RFX1: variants seen among roughly 807,000 people sequenced by gnomAD.
The protein encoded by RFX1 is MHC class II regulatory factor RFX1.
A neutral mutation model predicts 119.6 loss-of-function variants in RFX1; 42 were observed. The ratio of observed to expected loss-of-function variants is 0.35; its 90% confidence interval spans 0.27 to 0.45. The LOEUF is 0.45. RFX1 is among the 20% of genes least tolerant of loss of function. RFX1 has a pLI of 1.00. For missense variants in RFX1, 1,118 were observed against 1,368.1 expected (o/e 0.82, Z 2.88); for synonymous variants, 628 against 618.5 (o/e 1.02, Z -0.23).
At chr19:13,964,063 C>T in intron 16 of RFX1, 56 bp from the exon 17 acceptor site, 1 of 1,495,932 alleles carries the variant, frequency 6.7e-7, no homozygotes, top group Non-Finnish European at 8.9e-7. Context: ...CCCGCCAGCC[C>T]TGGCCCCACC....
rs1324506709 is a variant in RFX1, at chr19:13,973,113, T to C, written c.944A>G (p.Tyr315Cys). The C allele has an allele frequency of 6.4e-7, 1 of 1,569,476 alleles. No individual in the cohort carries two copies. Among genetic ancestry groups the C allele is most frequent in the East Asian group, 2.4e-5 (1 of 42,496 alleles). ...GTACAGCGGCGTCTCGGGATAGGAG[T>C]AGGTGCTGGAACGGCTGGGAAAGAG... ...YTASAIRSST[Y>C]SYPETPLYTQ... Residue 315 changes from tyrosine (Y) to cysteine (C), a missense_variant, in exon 9 of 21, where the codon TAC (tyrosine) becomes TGC (cysteine). Coordinates refer to ENST00000254325, the MANE Select transcript of RFX1 (RefSeq NM_002918.5).
chr19:13,972,735 G>T lies in RFX1; in HGVS notation c.1314+8C>A. On this transcript the variant is annotated splice_region_variant and intron_variant, in intron 9 of 20. Transcript: ENST00000254325. Reference sequence around the variant, plus strand: ...TGCCTCCTCTGGGGCCCGCGTTGGGGCACTTACCGTGGCTGGCGAGGCACG... The same window carrying T: ...TGCCTCCTCTGGGGCCCGCGTTGGGTCACTTACCGTGGCTGGCGAGGCACG... 2 of 1,585,112 alleles carry T rather than the reference G, an allele frequency of 1.3e-6. No homozygotes were observed. Among genetic ancestry groups the T allele is most frequent in the Non-Finnish European group, 1.7e-6 (2 of 1,163,546 alleles).
At position 13,983,488 on chromosome 19, in the gene RFX1, G is replaced by A; in HGVS notation, c.427C>T (p.Gln143Ter). ...QVVQQVQGTQ[Q>*]RLLVQTSVQA... ...CCCCTGGGAGGGCCACATCCTACCT[G>A]CTGGGTGCCCTGCACCTGCTGAACC... Residue 143 changes from glutamine to a stop codon, truncating the protein, a stop_gained and splice_region_variant, in exon 3 of 21, where the codon CAG becomes TAG. Coordinates refer to ENST00000254325, the MANE Select transcript of RFX1 (RefSeq NM_002918.5). LOFTEE classifies it high-confidence loss of function. 6.2e-7 allele frequency: 1 copy of A among 1,603,758 alleles called. No individual in the cohort carries two copies.
At position 13,966,321 on chromosome 19, in the gene RFX1, G is replaced by T; in HGVS notation, c.1961+100C>A. ...CAAGGATATGTGTACCCCACAAACT[G>T]CAGGGGACAAGCAGGTGCCCCAACC... is the stretch of plus-strand genomic sequence containing the variant. On this transcript the variant is annotated intron_variant, in intron 14 of 20. Coordinates refer to ENST00000254325, the MANE Select transcript of RFX1 (RefSeq NM_002918.5). This position sits in a 1 kb window ranked among gnomAD's most constrained non-coding sequence, Gnocchi z 6.3. 2.8e-6 allele frequency: 2 copies of T among 712,006 alleles called. No homozygotes were observed. The highest frequency in any genetic ancestry group is 1.7e-5 in the South Asian group (1 of 60,446). 44.1% of individuals were successfully genotyped at this position (712,006 alleles called of 1,614,324 possible). A position where few individuals can be genotyped will look rare whatever the true frequency, so the allele number is the denominator to read the frequency against.
intron 9 of RFX1, among the ~76,000 whole-genome samples, chr19:13,972,210 T>G (rs1974106063): frequency 6.6e-6 from 1 of 151,456 alleles, no homozygotes; most frequent in African/African-American, 2.4e-5. Context: ...TTTTTTTTTT[T>G]TTTTGAGACA....
intron 2 of RFX1, among the ~76,000 whole-genome samples, chr19:13,984,581 T>C (rs566673731): frequency 6.6e-6 from 1 of 152,110 alleles, no homozygotes; most frequent in Admixed American, 6.5e-5. Context: ...TAGAAGACCC[T>C]CACCCCAGCT....
intron 2 of RFX1, among the ~76,000 whole-genome samples, chr19:13,984,443 G>A (rs961653326): frequency 1.3e-5 from 2 of 152,192 alleles, no homozygotes; most frequent in African/African-American, 2.4e-5. Flanking sequence ...GCAGCGCTGC[G>A]GGGTGAGGAG....
At chr19:13,988,343 G>C (rs757854917) in intron 2 of RFX1, among the ~76,000 whole-genome samples, 4 of 152,166 alleles carry the variant, frequency 2.6e-5, no homozygotes, top group Non-Finnish European at 5.9e-5. Context: ...GAGGGAGTGC[G>C]GGAAGAGCTG....
chr19:13,968,759 G>A lies in RFX1; in HGVS notation c.1616+16C>T, dbSNP rs768955348. 4.2e-5 allele frequency: 68 copies of A among 1,605,346 alleles called. No homozygotes were observed. The highest frequency in any genetic ancestry group is 1.1e-4 in the South Asian group (10 of 90,348). On this transcript the variant is annotated intron_variant, in intron 11 of 20. Coordinates refer to ENST00000254325, the MANE Select transcript of RFX1 (RefSeq NM_002918.5). The surrounding 1 kb of genome is among the most constrained non-coding windows in gnomAD (Gnocchi z 5.5). The stretch of plus-strand genomic sequence containing the variant: ...TCCCCGCCTGCCCTGCCCTGGGTCC[G>A]GCCCTGCCTTCCTACCTCTGCTTCT...
In RFX1 at chr19:13,965,443, T is replaced by A; in HGVS notation, c.2211+6A>T. The A allele has an allele frequency of 6.2e-7, 1 of 1,612,834 alleles. No homozygotes were observed. Among genetic ancestry groups the A allele is most frequent in the East Asian group, 2.2e-5 (1 of 44,866 alleles). The stretch of plus-strand genomic sequence containing the variant: ...ATAGGAGAAAGGGACCCCCTCACAC[T>A]CTCACCTTCACCCGCAGCATCTCCT... On this transcript the variant is annotated splice_donor_region_variant and intron_variant, in intron 16 of 20. Coordinates refer to ENST00000254325, the MANE Select transcript of RFX1 (RefSeq NM_002918.5). The surrounding 1 kb of genome is among the most constrained non-coding windows in gnomAD (Gnocchi z 4.7).
rs537713865 is a variant in RFX1 at position 13,980,140 on chromosome 19, C to T, written c.738+433G>A. ...CTTCAGTGGTAACAACCAGATGGTG[C>T]GCAGCCCCAGCATCTTAACCTGCGC... On this transcript the variant is annotated intron_variant, in intron 6 of 20. Coordinates refer to ENST00000254325, the MANE Select transcript of RFX1 (RefSeq NM_002918.5). The surrounding 1 kb of genome is among the most constrained non-coding windows in gnomAD (Gnocchi z 5.1). 1.3e-5 allele frequency among the ~76,000 whole-genome samples: 2 copies of T among 152,282 alleles called. No homozygotes were observed. The highest frequency in any genetic ancestry group is 2.1e-4 in the South Asian group (1 of 4,832).
chr19:13,994,994 C>T (rs754632945), intron 1 of RFX1, among the ~76,000 whole-genome samples: 9 of 143,082 alleles, frequency 6.3e-5, no homozygotes, highest in Non-Finnish European at 1.4e-4. Context: ...GTCTTGAACT[C>T]CTGGGCTCAA....
rs765030323 is a variant in RFX1, at chr19:13,983,250, G to C, written c.450C>G (p.Ser150Arg). 1.3e-6 allele frequency: 2 copies of C among 1,567,530 alleles called. No individual in the cohort carries two copies. The highest frequency in any genetic ancestry group is 1.8e-5 in the Admixed American group (1 of 54,276). The change falls in exon 4 of 21, where the codon AGC becomes AGG. Residue 150 changes from serine (S) to arginine (R), a missense_variant. Ser to Arg is a moderately radical substitution (Grantham distance 110). This residue lies in a region of RFX1 where 542 missense variants were observed against 602.7 expected (regional missense o/e 0.90). Transcript: ENST00000254325. Reference protein sequence around the residue: ...GTQQRLLVQTSVQAKPGHVSP... With the variant: ...GTQQRLLVQTRVQAKPGHVSP... ...ACACGTGGCCTGGCTTGGCCTGCACGCTCGTCTGGACCAGCAGCCGCTGTG... is the reference window on the plus strand; with the variant it reads ...ACACGTGGCCTGGCTTGGCCTGCACCCTCGTCTGGACCAGCAGCCGCTGTG...
intron 2 of RFX1, among the ~76,000 whole-genome samples, chr19:13,989,511 C>G (rs184044343): frequency 6.6e-6 from 1 of 151,844 alleles, no homozygotes; most frequent in Non-Finnish European, 1.5e-5. Flanking sequence ...GCTGGGATTA[C>G]GGCGCCCACC....
intron 8 of RFX1, among the ~76,000 whole-genome samples, chr19:13,975,107 G>A (rs1974214739): frequency 6.6e-6 from 1 of 150,924 alleles, no homozygotes; most frequent in Admixed American, 6.6e-5. Flanking sequence ...TGTAACCCCA[G>A]CACTCTGGGA....
intron 1 of RFX1, among the ~76,000 whole-genome samples, chr19:13,999,983 T>G (rs1975161295): frequency 6.7e-6 from 1 of 149,718 alleles, no homozygotes; most frequent in South Asian, 2.1e-4. Context: ...GCCTGACCCC[T>G]GTTTTGGATG....
rs771705262 is a variant in RFX1 at position 13,983,590 on chromosome 19, C to T, written c.325G>A (p.Ala109Thr). ...QYIVVTVSEG[A>T]MRASETVSEA... The stretch of plus-strand genomic sequence containing the variant: ...GACACTGTCTCGCTGGCCCGCATGG[C>T]ACCTTCTGTGGGGAGGGGCCACCAG... The change falls in exon 3 of 21, where the codon GCC becomes ACC. Residue 109 changes from alanine to threonine, a missense_variant. Ala to Thr is a moderately conservative substitution (Grantham distance 58). Around this residue, in one of 5 missense-constraint regions of RFX1, gnomAD observed 542 missense variants for 602.7 expected, o/e 0.90. Coordinates refer to ENST00000254325, the MANE Select transcript of RFX1 (RefSeq NM_002918.5). 9 of 1,600,884 alleles carry T rather than the reference C, an allele frequency of 5.6e-6. No homozygotes were observed. Among genetic ancestry groups the T allele is most frequent in the Non-Finnish European group, 7.7e-6 (9 of 1,175,964 alleles).
chr19:13,984,482 G>A (rs1284143034), intron 2 of RFX1, among the ~76,000 whole-genome samples: 2 of 152,196 alleles, frequency 1.3e-5, no homozygotes, highest in African/African-American at 4.8e-5. Flanking sequence ...ATGCTATCAG[G>A]CAGGCACAGG....
intron 1 of RFX1, among the ~76,000 whole-genome samples, chr19:14,005,592 T>A (rs1405717678): frequency 6.6e-6 from 1 of 152,194 alleles, no homozygotes; most frequent in Non-Finnish European, 1.5e-5. Flanking sequence ...CAGGCACTTG[T>A]CCAAGTTCTG....
Sources: allele counts gnomAD v4.1 joint callset (sites outside exome capture counted in the v4.1 genomes callset), GRCh38; gene constraint gnomAD v4.1.1; regional missense constraint gnomAD v4.1.1; non-coding constraint Gnocchi (gnomAD v3.1); transcripts MANE v1.5; gene names NCBI Gene and HGNC (gene_info 2026-07-23, HGNC 2026-07-21).